THOP1: variants seen among roughly 807,000 people sequenced by gnomAD.
The protein encoded by THOP1 is thimet oligopeptidase 1, also known as thimet oligopeptidase.
Under a neutral mutation model 71.8 loss-of-function variants are expected in THOP1, and 49 were observed. The ratio of observed to expected loss-of-function variants is 0.68; its 90% CI spans 0.54 to 0.87. THOP1 has a LOEUF of 0.87. Among genes scored for constraint, THOP1 ranks in the 40% least tolerant of loss-of-function variants. The pLI, the probability that THOP1 is intolerant of heterozygous loss-of-function variation, is 0.00. For missense variants in THOP1, 843 were observed against 975.6 expected (o/e 0.86, Z 1.81); for synonymous variants, 426 against 421.5 (o/e 1.01, Z -0.13).
intron 12 of THOP1, among the ~76,000 whole-genome samples, chr19:2,812,902 G>C (rs1916516019): frequency 6.6e-6 from 1 of 152,156 alleles, no homozygotes; most frequent in South Asian, 2.1e-4. Context: ...TCGGGGCTCT[G>C]CTGGCCCCTC....
At chr19:2,788,793 C>T (rs145576618) in intron 1 of THOP1, among the ~76,000 whole-genome samples, 1 of 151,220 alleles carries the variant, frequency 6.6e-6, no homozygotes, top group Admixed American at 6.6e-5. Flanking sequence ...TGGAGTCTTG[C>T]TTTGTCGCCT....
intron 8 of THOP1, 94 bp downstream of exon 8, chr19:2,807,902 C>A: frequency 7.4e-7 from 1 of 1,355,602 alleles, no homozygotes; most frequent in Non-Finnish European, 9.7e-7. Flanking sequence ...AAGTCGTTGC[C>A]TGCTCCATGG....
chr19:2,804,975 C>T lies in THOP1; in HGVS notation c.590-41C>T. The T allele has an allele frequency of 6.3e-7, 1 of 1,585,746 alleles. No individual in the cohort carries two copies. Among genetic ancestry groups the T allele is most frequent in the South Asian group, 1.1e-5 (1 of 87,032 alleles). ...CACACGCTGTGTGCAGGCTGTGGGC[C>T]CATCAGTCCTGTCAAAGCCACCCTG... On this transcript the variant is annotated intron_variant, in intron 5 of 12. Coordinates refer to ENST00000307741, the MANE Select transcript of THOP1 (RefSeq NM_003249.5). The surrounding 1 kb of genome is among the most constrained non-coding windows in gnomAD (Gnocchi z 4.7).
intron 4 of THOP1, among the ~76,000 whole-genome samples, chr19:2,799,195 G>A (rs571970615): frequency 2.6e-5 from 4 of 152,246 alleles, no homozygotes; most frequent in African/African-American, 4.8e-5. Context: ...GTGTAGTGGC[G>A]TGTACCTGTA....
At chr19:2,811,555 G>A (rs1359070380) in intron 11 of THOP1, 43 bp from the exon 12 acceptor site, 5 of 1,584,918 alleles carry the variant, frequency 3.2e-6, no homozygotes, top group Non-Finnish European at 4.3e-6. Context: ...GAGGAGCATG[G>A]GGTGGGGGCT....
At position 2,801,183 on chromosome 19, in the gene THOP1, G is replaced by A. The variant is rs530642376; in HGVS notation, c.589+1392G>A. ...CACAGTTATCTGTCCGTGCCAGCTC[G>A]TGGGTCCTGGGTGTGAATCCTGGGG... On this transcript the variant is annotated intron_variant, in intron 5 of 12. Coordinates refer to ENST00000307741, the MANE Select transcript of THOP1 (RefSeq NM_003249.5). The surrounding 1 kb of genome is among the most constrained non-coding windows in gnomAD (Gnocchi z 5.1). 2.0e-5 allele frequency among the ~76,000 whole-genome samples: 3 copies of A among 152,306 alleles called. No individual in the cohort carries two copies. The highest frequency in any genetic ancestry group is 1.9e-4 in the East Asian group (1 of 5,178).
chr19:2,785,588 G>A lies in THOP1; in HGVS notation c.-75G>A, dbSNP rs1019788334. The A allele has an allele frequency of 6.1e-6, 9 of 1,466,084 alleles. No homozygotes were observed. The highest frequency in any genetic ancestry group is 2.9e-5 in the African/African-American group (2 of 68,756). 90.8% of individuals were successfully genotyped at this position (1,466,084 alleles called of 1,614,324 possible). On this transcript the variant is annotated 5_prime_UTR_variant, in exon 1 of 13. Transcript: ENST00000307741. The stretch of plus-strand genomic sequence containing the variant: ...GGCGGCGGTTGGGCCGAGGCAGGCG[G>A]CCTCAGTGGCCGAGGTGGCTGGACG...
intron 2 of THOP1, among the ~76,000 whole-genome samples, chr19:2,791,061 C>G (rs1272648497): frequency 2.6e-5 from 4 of 152,230 alleles, no homozygotes; most frequent in Non-Finnish European, 4.4e-5. Context: ...GTATTTGTTT[C>G]TCTCTGAATG....
chr19:2,785,653 C>A lies in THOP1; in HGVS notation c.-10C>A, dbSNP rs1915723073. On this transcript the variant is annotated 5_prime_UTR_variant, in exon 1 of 13. Coordinates refer to ENST00000307741, the MANE Select transcript of THOP1 (RefSeq NM_003249.5). ...GGAGGGAGGGAGCCGCAGGCGCAGA[C>A]CCACCCGCCATGAAGCCCCCCGCAG... is the stretch of plus-strand genomic sequence containing the variant. The A allele has an allele frequency of 7.4e-6, 11 of 1,489,764 alleles. No individual in the cohort carries two copies. Among genetic ancestry groups the A allele is most frequent in the Non-Finnish European group, 9.8e-6 (11 of 1,118,020 alleles). 92.3% of individuals were successfully genotyped at this position (1,489,764 alleles called of 1,614,324 possible).
rs563753144 is a variant in THOP1, at chr19:2,793,550, C to G, written c.230-1214C>G. 2.2e-4 allele frequency among the ~76,000 whole-genome samples: 34 copies of G among 152,040 alleles called. 1 individual carries two copies. The highest frequency in any genetic ancestry group is 8.0e-4 in the African/African-American group (33 of 41,450). On this transcript the variant is annotated intron_variant, in intron 2 of 12. Coordinates refer to ENST00000307741, the MANE Select transcript of THOP1 (RefSeq NM_003249.5). Reference sequence around the variant, plus strand: ...ACTAAAAATACAAAAATTACCTGGGCGTGGTGGTGGGTACCTGTAATCCCA... The same window carrying G: ...ACTAAAAATACAAAAATTACCTGGGGGTGGTGGTGGGTACCTGTAATCCCA...
At chr19:2,812,305 G>C (rs1159333319) in intron 12 of THOP1, 1 of 1,535,446 alleles carries the variant, frequency 6.5e-7, no homozygotes, top group African/African-American at 1.4e-5. Context: ...ACAAGGAACA[G>C]GTGGCTACCA....
intron 11 of THOP1, 128 bp downstream of exon 11, chr19:2,810,896 C>A: frequency 7.2e-7 from 1 of 1,394,568 alleles, no homozygotes; most frequent in Non-Finnish European, 9.5e-7. Context: ...AGCCACGGAG[C>A]GCGTCCCAGG....
Position 2,814,595 on chromosome 19 carries a change from C to A in THOP1, c.*1319C>A. The A allele has an allele frequency of 6.5e-6, 1 of 152,782 alleles. No homozygotes were observed. The allele number at this position is 152,782 out of a possible 1,614,324, so 9.5% of individuals were successfully genotyped here. ...CACTGCCATGGGGCCTGCTTTGCACCTTACGCACGCCTGGCTCTGCTCCAT... is the reference window on the plus strand; with the variant it reads ...CACTGCCATGGGGCCTGCTTTGCACATTACGCACGCCTGGCTCTGCTCCAT... On this transcript the variant is annotated 3_prime_UTR_variant, in exon 13 of 13. Coordinates refer to ENST00000307741, the MANE Select transcript of THOP1 (RefSeq NM_003249.5).
intron 1 of THOP1, among the ~76,000 whole-genome samples, chr19:2,787,930 GAA>G (rs1342528625): frequency 6.6e-6 from 1 of 152,230 alleles, no homozygotes; most frequent in Non-Finnish European, 1.5e-5. Context: ...TCTCACTGCA[GAA>G]AGAGTAATTT....
Position 2,807,735 on chromosome 19 carries a change from G to C in THOP1, c.1180G>C (p.Val394Leu). ...EEGASAWHED[V>L]RLYTARDAAS... ...GGGCGCCAGTGCCTGGCATGAGGAC[G>C]TGCGGCTCTACACCGCGAGGGACGC... The change falls in exon 8 of 13, where the codon GTG becomes CTG. Residue 394 changes from valine to leucine, a missense_variant. Transcript: ENST00000307741. The C allele has an allele frequency of 1.3e-6, 2 of 1,591,246 alleles. No homozygotes were observed. The highest frequency in any genetic ancestry group is 1.7e-6 in the Non-Finnish European group (2 of 1,166,160).
chr19:2,806,814 G>A, intron 6 of THOP1, 103 bp from the exon 7 acceptor site: 1 of 1,581,476 alleles, frequency 6.3e-7, no homozygotes, highest in Admixed American at 1.9e-5. Flanking sequence ...CCGGAGGTCA[G>A]ACGGAGCTGG....
intron 12 of THOP1, among the ~76,000 whole-genome samples, chr19:2,812,523 C>G (rs1916504127): frequency 6.6e-6 from 1 of 152,226 alleles, no homozygotes; most frequent in Non-Finnish European, 1.5e-5. Context: ...GCAGCTCCCC[C>G]TGCTGCTGAG....
Position 2,790,470 on chromosome 19 carries a change from C to T in THOP1, c.66C>T (p.Asn22=), listed in dbSNP as rs142492636. 45 of 1,600,780 alleles carry T rather than the reference C, an allele frequency of 2.8e-5. No individual in the cohort carries two copies. The highest frequency in any genetic ancestry group is 6.9e-5 in the Admixed American group (4 of 57,762). ...CAGCATCTCCGTGCTCTGTGGTAAA[C>T]GACCTGCGGTGGGACCTGAGTGCCC... ...ADAASPCSVV[N]DLRWDLSAQQ... is the part of the protein sequence containing the mutation. The change falls in exon 2 of 13, where the codon AAC becomes AAT. Residue 22 remains asparagine, a synonymous_variant. Coordinates refer to ENST00000307741, the MANE Select transcript of THOP1 (RefSeq NM_003249.5).
At chr19:2,812,537 AG>A (rs1197705961) in intron 12 of THOP1, among the ~76,000 whole-genome samples, 1 of 152,072 alleles carries the variant, frequency 6.6e-6, no homozygotes, top group Non-Finnish European at 1.5e-5. Flanking sequence ...TGCTGAGGTG[AG>A]GGGGTCCCAC....
Sources: allele counts gnomAD v4.1 joint callset (sites outside exome capture counted in the v4.1 genomes callset), GRCh38; gene constraint gnomAD v4.1.1; non-coding constraint Gnocchi (gnomAD v3.1); transcripts MANE v1.5; gene names NCBI Gene and HGNC (gene_info 2026-07-23, HGNC 2026-07-21).